The following ASTN1 variants were observed in gnomAD, a reference collection of about 807,000 sequenced individuals.
The protein encoded by ASTN1 is astrotactin 1.
ASTN1 carries 41 observed loss-of-function variants against 140.7 expected under a neutral mutation model. The observed-to-expected ratio is 0.29, with a 90% confidence interval of 0.23 to 0.38. ASTN1 has a LOEUF of 0.38. ASTN1 is among the 10% of genes least tolerant of loss of function. The pLI is 1.00. For missense variants in ASTN1, 1,479 were observed against 1,678.8 expected (o/e 0.88, Z 2.08); for synonymous variants, 640 against 652.2 (o/e 0.98, Z 0.29).
At chr1:176,871,501 T>C (rs2103015001) in intron 21 of ASTN1, among the ~76,000 whole-genome samples, 1 of 152,222 alleles carries the variant, frequency 6.6e-6, no homozygotes, top group African/African-American at 2.4e-5. Flanking sequence ...TCTCATAACA[T>C]AGTAGTCATA....
At chr1:176,940,946 G>A (rs1234779496) in intron 14 of ASTN1, among the ~76,000 whole-genome samples, 1 of 152,208 alleles carries the variant, frequency 6.6e-6, no homozygotes, top group Non-Finnish European at 1.5e-5. Context: ...CTATTGCTGA[G>A]AGGAGGAGAC....
rs1017039381 is a variant in ASTN1, at chr1:177,023,626, C to T, written c.1271-55G>A. On this transcript the variant is annotated intron_variant, in intron 6 of 22. Coordinates refer to ENST00000361833, the MANE Select transcript of ASTN1 (RefSeq NM_004319.3). ...ATATGTGCAACACAGCACACGTCCACAAGCCACCGAAGACAAGGAAATCCC... is the reference window on the plus strand; with the variant it reads ...ATATGTGCAACACAGCACACGTCCATAAGCCACCGAAGACAAGGAAATCCC... The T allele has an allele frequency of 3.0e-5, 44 of 1,471,472 alleles. No individual in the cohort carries two copies. The African/African-American group carries it at 4.9e-4, about 16-fold the overall frequency. 91.2% of individuals were successfully genotyped at this position (1,471,472 alleles called of 1,614,324 possible). A position where few individuals can be genotyped will look rare whatever the true frequency, so the allele number is the denominator to read the frequency against.
rs539925333 is a variant in ASTN1, at chr1:176,869,138, TG to T, written c.3464-112del. On this transcript the variant is annotated intron_variant, in intron 21 of 22. Coordinates refer to ENST00000361833, the MANE Select transcript of ASTN1 (RefSeq NM_004319.3). ...TATAGACATATCACATATAAACATA[TG>T]TAGATCATTTATAATGTATATATAA... is the stretch of plus-strand genomic sequence containing the variant. The T allele has an allele frequency of 1.2e-4, 86 of 712,570 alleles. 1 individual carries two copies. The South Asian group carries it at 4.0e-3, about 33-fold the overall frequency. 44.1% of individuals were successfully genotyped at this position (712,570 alleles called of 1,614,324 possible). A position where few individuals can be genotyped will look rare whatever the true frequency, so the allele number is the denominator to read the frequency against.
rs75593231 is a variant in ASTN1, at chr1:176,899,326, A to G, written c.2672-4496T>C. Among the ~76,000 whole-genome samples the G allele has an allele frequency of 2.5e-3, 383 of 152,284 alleles. 7 individuals are homozygous for G. In the East Asian group the frequency reaches 0.049, roughly 20 times the overall value. ...GTGGCCCACCTAAATTCAGGAGCACATGAGGGTGACAAAAGTGACCGGCCC... is the reference window on the plus strand; with the variant it reads ...GTGGCCCACCTAAATTCAGGAGCACGTGAGGGTGACAAAAGTGACCGGCCC... On this transcript the variant is annotated intron_variant, in intron 16 of 22. Coordinates refer to ENST00000361833, the MANE Select transcript of ASTN1 (RefSeq NM_004319.3).
chr1:177,152,961 C>T (rs1683102452), intron 1 of ASTN1, among the ~76,000 whole-genome samples: 1 of 152,152 alleles, frequency 6.6e-6, no homozygotes, highest in Non-Finnish European at 1.5e-5. Flanking sequence ...AAGGTGACAT[C>T]TCAAATCAGA....
intron 2 of ASTN1, among the ~76,000 whole-genome samples, chr1:177,051,594 T>C (rs1349409519): frequency 6.6e-6 from 1 of 152,240 alleles, no homozygotes; most frequent in Non-Finnish European, 1.5e-5. Context: ...CTACATTTAC[T>C]ATACCTAAAT....
intron 8 of ASTN1, among the ~76,000 whole-genome samples, chr1:176,985,893 C>CACACAG (rs1673880768): frequency 2.1e-5 from 3 of 143,784 alleles, no homozygotes; most frequent in African/African-American, 8.0e-5. Flanking sequence ...CACACACACA[C>CACACAG]ACAGACAGCC....
intron 8 of ASTN1, among the ~76,000 whole-genome samples, chr1:176,991,427 A>G (rs9425802): frequency 6.0e-4 from 7 of 11,636 alleles, no homozygotes; most frequent in Non-Finnish European, 1.1e-3. Flanking sequence ...AAAAAAAAAA[A>G]AAAAAAACCA....
At chr1:176,922,059 T>TG (rs1324667935) in intron 16 of ASTN1, among the ~76,000 whole-genome samples, 23 of 152,322 alleles carry the variant, frequency 1.5e-4, no homozygotes, top group African/African-American at 5.1e-4. Flanking sequence ...TTTGTGAACA[T>TG]GGCCCCGACC....
intron 16 of ASTN1, among the ~76,000 whole-genome samples, chr1:176,908,575 C>T (rs1035444797): frequency 1.1e-4 from 16 of 152,202 alleles, no homozygotes; most frequent in Non-Finnish European, 2.2e-4. Flanking sequence ...CTTGGGTTCA[C>T]ATTCAAAGCT....
At chr1:177,121,219 C>T (rs1457282728) in intron 1 of ASTN1, among the ~76,000 whole-genome samples, 1 of 152,012 alleles carries the variant, frequency 6.6e-6, no homozygotes, top group Non-Finnish European at 1.5e-5. Context: ...AAAGGGAGTG[C>T]CGAGTGCTTT....
At chr1:177,101,693 T>C (rs1254500270) in intron 1 of ASTN1, among the ~76,000 whole-genome samples, 1 of 152,182 alleles carries the variant, frequency 6.6e-6, no homozygotes, top group Non-Finnish European at 1.5e-5. Context: ...TGAATGTATG[T>C]ATATGTCATT....
intron 10 of ASTN1, 135 bp from the exon 11 acceptor site, chr1:176,957,963 A>G: frequency 2.6e-6 from 3 of 1,169,110 alleles, no homozygotes; most frequent in Non-Finnish European, 2.4e-6. Context: ...AAGATCAACT[A>G]TACTCCAAGC....
intron 16 of ASTN1, among the ~76,000 whole-genome samples, chr1:176,914,146 G>T (rs1467506151): frequency 6.6e-6 from 1 of 152,114 alleles, no homozygotes; most frequent in African/African-American, 2.4e-5. Flanking sequence ...ACAAAACCGG[G>T]CAACAGAGAG....
chr1:176,861,146 C>T lies in ASTN1; in HGVS notation c.*3138G>A, dbSNP rs1667945967. 3 of 950,818 alleles carry T rather than the reference C, an allele frequency of 3.2e-6. No individual in the cohort carries two copies. The highest frequency in any genetic ancestry group is 3.8e-6 in the Non-Finnish European group (3 of 798,438). 58.9% of individuals were successfully genotyped at this position (950,818 alleles called of 1,614,324 possible). A position where few individuals can be genotyped will look rare whatever the true frequency, so the allele number is the denominator to read the frequency against. On this transcript the variant is annotated 3_prime_UTR_variant, in exon 23 of 23. Coordinates refer to ENST00000361833, the MANE Select transcript of ASTN1 (RefSeq NM_004319.3). ...CATACAATAATTCTCTTTTAAACAACACTGTTATACCTGAAGATGGTCATA... is the reference window on the plus strand; with the variant it reads ...CATACAATAATTCTCTTTTAAACAATACTGTTATACCTGAAGATGGTCATA...
intron 16 of ASTN1, among the ~76,000 whole-genome samples, chr1:176,922,862 T>A (rs1355126644): frequency 2.0e-5 from 3 of 152,194 alleles, no homozygotes; most frequent in African/African-American, 7.2e-5. Context: ...AATAGGGAGA[T>A]GAGCTTCAAA....
intron 2 of ASTN1, among the ~76,000 whole-genome samples, chr1:177,055,717 C>T (rs372330660): frequency 6.6e-6 from 1 of 152,176 alleles, no homozygotes; most frequent in African/African-American, 2.4e-5. Flanking sequence ...TACAATATGC[C>T]TAAATGTCTC....
Position 176,861,322 on chromosome 1 carries a change from T to G in ASTN1, c.*2962A>C. ...AAACGATTGCACACTCAATTAAAAG[T>G]CTAATGCTATTACAGTGGTTCATGT... On this transcript the variant is annotated 3_prime_UTR_variant, in exon 23 of 23. Transcript: ENST00000361833. 1.0e-6 allele frequency: 1 copy of G among 985,816 alleles called. No individual in the cohort carries two copies. Among genetic ancestry groups the G allele is most frequent in the Non-Finnish European group, 1.2e-6 (1 of 829,924 alleles). The allele number at this position is 985,816 out of a possible 1,614,324, so 61.1% of individuals were successfully genotyped here.
chr1:177,087,412 T>C (rs1211723906), intron 1 of ASTN1, among the ~76,000 whole-genome samples: 5 of 152,206 alleles, frequency 3.3e-5, no homozygotes, highest in Admixed American at 2.0e-4. Context: ...GTACCTGTGA[T>C]GCTGACCATG....
Sources: allele counts gnomAD v4.1 joint callset (sites outside exome capture counted in the v4.1 genomes callset), GRCh38; gene constraint gnomAD v4.1.1; transcripts MANE v1.5; gene names NCBI Gene and HGNC (gene_info 2026-07-23, HGNC 2026-07-21).